PARD3B: variants seen among roughly 807,000 people sequenced by gnomAD.
The protein encoded by PARD3B is par-3 family cell polarity regulator beta.
Under a neutral mutation model 130.2 loss-of-function variants are expected in PARD3B, and 103 were observed. The observed-to-expected ratio is 0.79, with a 90% confidence interval of 0.67 to 0.93. The LOEUF (loss-of-function observed/expected upper bound fraction) is 0.93. Among genes scored for constraint, PARD3B ranks in the 40% least tolerant of loss-of-function variants. PARD3B has a pLI of 0.00. For synonymous variants in PARD3B, 583 were observed against 553.2 expected (o/e 1.05, Z -0.76); for missense variants, 1,609 against 1,499.2 (o/e 1.07, Z -1.21).
chr2:205,013,554 G>T (rs547125241), intron 3 of PARD3B, among the ~76,000 whole-genome samples: 1 of 152,080 alleles, frequency 6.6e-6, no homozygotes, highest in African/African-American at 2.4e-5. Flanking sequence ...TACGTTGGGC[G>T]TTGTAGGGTG....
intron 1 of PARD3B, among the ~76,000 whole-genome samples, chr2:204,553,867 A>G (rs2030723562): frequency 6.6e-6 from 1 of 151,148 alleles, no homozygotes; most frequent in South Asian, 2.1e-4. Context: ...TCACTGACAC[A>G]AAGGACTTCA....
chr2:205,114,790 C>T (rs980155179), intron 6 of PARD3B, among the ~76,000 whole-genome samples: 2 of 150,352 alleles, frequency 1.3e-5, no homozygotes, highest in Non-Finnish European at 2.9e-5. Flanking sequence ...TGATGCCAAG[C>T]TCTCACTGGA....
intron 18 of PARD3B, among the ~76,000 whole-genome samples, chr2:205,376,743 C>A (rs571933108): frequency 1.4e-4 from 22 of 152,232 alleles, no homozygotes; most frequent in African/African-American, 5.3e-4. Context: ...CATTACTGAG[C>A]AGTCCTGAGG....
chr2:205,038,601 A>G (rs1698176490), intron 3 of PARD3B, among the ~76,000 whole-genome samples: 1 of 152,214 alleles, frequency 6.6e-6, no homozygotes, highest in African/African-American at 2.4e-5. Context: ...ATAAGTCCCA[A>G]TAAAAGTGAG....
intron 22 of PARD3B, among the ~76,000 whole-genome samples, chr2:205,579,343 C>G (rs2053879458): frequency 6.6e-6 from 1 of 152,114 alleles, no homozygotes; most frequent in Admixed American, 6.5e-5. Context: ...TCATCCTCAT[C>G]CTCAGAGATG....
chr2:205,000,894 T>C (rs967173049), intron 3 of PARD3B, among the ~76,000 whole-genome samples: 4 of 152,190 alleles, frequency 2.6e-5, no homozygotes, highest in Non-Finnish European at 4.4e-5. Context: ...TAGGGTTTTT[T>C]GGTTTGTTTC....
chr2:205,536,864 C>T (rs2051883845), intron 21 of PARD3B, among the ~76,000 whole-genome samples: 1 of 152,122 alleles, frequency 6.6e-6, no homozygotes, highest in Non-Finnish European at 1.5e-5. Flanking sequence ...GGGCTTCAAA[C>T]AGAAGGTAAA....
intron 3 of PARD3B, among the ~76,000 whole-genome samples, chr2:205,017,569 T>TGGGTG (rs1447656025): frequency 2.0e-5 from 3 of 152,176 alleles, no homozygotes; most frequent in Non-Finnish European, 4.4e-5. Context: ...TGAGAACATC[T>TGGGTG]GCCCAGCCTG....
intron 14 of PARD3B, among the ~76,000 whole-genome samples, chr2:205,188,050 C>T (rs1171202304): frequency 6.6e-6 from 1 of 152,210 alleles, no homozygotes; most frequent in Non-Finnish European, 1.5e-5. Context: ...AGAAATGCAG[C>T]GTCCTCTTAG....
rs2038764140 is a variant in PARD3B, at chr2:205,230,215, C to A, written c.2141-15563C>A. Among the ~76,000 whole-genome samples the A allele has an allele frequency of 6.6e-6, 1 of 151,990 alleles. No individual in the cohort carries two copies. The highest frequency in any genetic ancestry group is 2.4e-5 in the African/African-American group (1 of 41,370). ...TCAAGCAGGAGACCCTCTCCGTAGC[C>A]ACCATAGTTGGGAATGTGCTGGGCC... On this transcript the variant is annotated intron_variant, in intron 15 of 22. Coordinates refer to ENST00000406610, the MANE Select transcript of PARD3B (RefSeq NM_001302769.2). This position sits in a 1 kb window ranked among gnomAD's most constrained non-coding sequence, Gnocchi z 4.1.
At chr2:204,915,000 AC>A (rs902206389) in intron 2 of PARD3B, among the ~76,000 whole-genome samples, 92 of 152,064 alleles carry the variant, frequency 6.1e-4, no homozygotes, top group African/African-American at 2.1e-3. Context: ...CCACCTTCGC[AC>A]CCCACTTTCC....
In PARD3B at chr2:204,887,600, A is replaced by G. The variant is rs1238075686; in HGVS notation, c.223-77552A>G. Among the ~76,000 whole-genome samples, 1 of 152,140 alleles carries G rather than the reference A, an allele frequency of 6.6e-6. No homozygotes were observed. ...TAACCTATAAATTAAAAGAAGCCCA[A>G]ACTGCTGTAGATGAGGATGCTGCTT... On this transcript the variant is annotated intron_variant, in intron 2 of 22. Coordinates refer to ENST00000406610, the MANE Select transcript of PARD3B (RefSeq NM_001302769.2). The surrounding 1 kb of genome is among the most constrained non-coding windows in gnomAD (Gnocchi z 4.2).
intron 2 of PARD3B, among the ~76,000 whole-genome samples, chr2:204,902,668 C>CAAAAAAAAAAAA (rs5837941): frequency 1.5e-5 from 1 of 67,650 alleles, no homozygotes; most frequent in African/African-American, 5.7e-5. Flanking sequence ...GACTCTGTCT[C>CAAAAAAAAAAAA]AAAAAAAAAA....
intron 21 of PARD3B, among the ~76,000 whole-genome samples, chr2:205,523,234 T>C (rs1485559607): frequency 6.8e-6 from 1 of 146,974 alleles, no homozygotes; most frequent in Non-Finnish European, 1.5e-5. Flanking sequence ...TGTATATATA[T>C]ATATATATTT....
intron 21 of PARD3B, among the ~76,000 whole-genome samples, chr2:205,528,779 C>T (rs974306123): frequency 3.3e-5 from 5 of 152,218 alleles, no homozygotes; most frequent in African/African-American, 9.6e-5. Flanking sequence ...CGTGAGCCAC[C>T]GTGCCTGGCC....
In PARD3B at chr2:205,525,019, C is replaced by T. The variant is rs936979807; in HGVS notation, c.3180+24988C>T. Among the ~76,000 whole-genome samples, 4 of 152,192 alleles carry T rather than the reference C, an allele frequency of 2.6e-5. No homozygotes were observed. The highest frequency in any genetic ancestry group is 5.9e-5 in the Non-Finnish European group (4 of 68,034). On this transcript the variant is annotated intron_variant, in intron 21 of 22. Coordinates refer to ENST00000406610, the MANE Select transcript of PARD3B (RefSeq NM_001302769.2). This position sits in a 1 kb window ranked among gnomAD's most constrained non-coding sequence, Gnocchi z 4.2. The stretch of plus-strand genomic sequence containing the variant: ...TTTGATACCCATCAAAACACTTAAA[C>T]CTCGCCAGAATAAGAGATTTCTTAG...
At chr2:204,653,675 C>T (rs2035556059) in intron 1 of PARD3B, among the ~76,000 whole-genome samples, 1 of 149,494 alleles carries the variant, frequency 6.7e-6, no homozygotes, top group African/African-American at 2.5e-5. Flanking sequence ...CCTGTAGTCC[C>T]AGCTACTAGG....
At chr2:205,093,569 T>A (rs1390599587) in intron 4 of PARD3B, among the ~76,000 whole-genome samples, 1 of 152,190 alleles carries the variant, frequency 6.6e-6, no homozygotes, top group Non-Finnish European at 1.5e-5. Flanking sequence ...AATGGTATTC[T>A]AGAAAACTGG....
chr2:205,539,393 G>A (rs992834537), intron 21 of PARD3B, among the ~76,000 whole-genome samples: 1 of 152,158 alleles, frequency 6.6e-6, no homozygotes, highest in Non-Finnish European at 1.5e-5. Context: ...GAACTAGACA[G>A]CAAGCACATT....
Sources: allele counts gnomAD v4.1 joint callset (sites outside exome capture counted in the v4.1 genomes callset), GRCh38; gene constraint gnomAD v4.1.1; non-coding constraint Gnocchi (gnomAD v3.1); transcripts MANE v1.5; gene names NCBI Gene and HGNC (gene_info 2026-07-23, HGNC 2026-07-21).